ERCC8: variants seen among roughly 807,000 people sequenced by gnomAD.
The protein encoded by ERCC8 is ERCC excision repair 8, CSA ubiquitin ligase complex subunit.
A neutral mutation model predicts 54.9 loss-of-function variants in ERCC8; 52 were observed. The ratio of observed to expected loss-of-function variants is 0.95; its 90% CI spans 0.76 to 1.19. ERCC8 has a LOEUF of 1.19. Among genes scored for constraint, ERCC8 ranks in the 50% most tolerant of loss-of-function variants. The pLI is 0.00. For synonymous variants in ERCC8, 146 were observed against 157.2 expected, an observed-to-expected ratio of 0.93 and a Z score of 0.53; for missense variants, 514 against 466.1, an observed-to-expected ratio of 1.10 and a Z score of -0.95.
At chr5:60,878,737 C>T (rs577355657) in intron 11 of ERCC8, among the ~76,000 whole-genome samples, 6 of 151,626 alleles carry the variant, frequency 4.0e-5, no homozygotes, top group East Asian at 1.9e-4. Flanking sequence ...ATTTTTTTTG[C>T]GTCTATTTGA....
intron 3 of ERCC8, among the ~76,000 whole-genome samples, chr5:60,921,569 T>C (rs1014100520): frequency 6.6e-6 from 1 of 151,898 alleles, no homozygotes; most frequent in African/African-American, 2.4e-5. Flanking sequence ...TTTGAGTAAG[T>C]AGAGAGACAA....
At chr5:60,915,024 A>G (rs973243038) in intron 4 of ERCC8, among the ~76,000 whole-genome samples, 11 of 151,980 alleles carry the variant, frequency 7.2e-5, no homozygotes, top group Admixed American at 6.6e-4. Flanking sequence ...TATATTTGTA[A>G]GAGACACTGG....
At chr5:60,921,558 CT>C (rs1288898296) in intron 3 of ERCC8, among the ~76,000 whole-genome samples, 9 of 151,788 alleles carry the variant, frequency 5.9e-5, no homozygotes, top group African/African-American at 2.2e-4. Context: ...AGTTAGACAT[CT>C]TTGAGTAAGT....
At position 60,887,420 on chromosome 5, in the gene ERCC8, T is replaced by TTTA; in HGVS notation, c.1122+19_1122+20insTAA. On this transcript the variant is annotated intron_variant, in intron 11 of 11. Transcript: ENST00000676185. Reference sequence around the variant, plus strand: ...TTAAGCTTTAGAAGTCACTGTACCATTTGTGAAAATAATATTTACCTCATC... The same window carrying TTTA: ...TTAAGCTTTAGAAGTCACTGTACCATTTATTGTGAAAATAATATTTACCTCATC... The TTTA allele has an allele frequency of 6.4e-7, 1 of 1,556,436 alleles. No individual in the cohort carries two copies. The highest frequency in any genetic ancestry group is 8.9e-7 in the Non-Finnish European group (1 of 1,127,698).
Position 60,867,565 on chromosome 5 carries a change from C to A in ERCC8, c.*7050G>T, listed in dbSNP as rs1372994288. Among the ~76,000 whole-genome samples, 6 of 152,150 alleles carry A rather than the reference C, an allele frequency of 3.9e-5. No individual in the cohort carries two copies. The highest frequency in any genetic ancestry group is 7.2e-5 in the African/African-American group (3 of 41,442). Reference sequence around the variant, plus strand: ...TATGTAAGAAACCATTAGAATATTACAATAAAAGTTAATAACTCAGTTCTC... The same window carrying A: ...TATGTAAGAAACCATTAGAATATTAAAATAAAAGTTAATAACTCAGTTCTC... On this transcript the variant is annotated 3_prime_UTR_variant, in exon 12 of 12. Transcript: ENST00000676185.
At chr5:60,891,384 C>T (rs964956647) in intron 9 of ERCC8, among the ~76,000 whole-genome samples, 8 of 151,940 alleles carry the variant, frequency 5.3e-5, no homozygotes, top group East Asian at 1.9e-4. Context: ...ATTAAAAAAA[C>T]GTAAGACATT....
At position 60,869,016 on chromosome 5, in the gene ERCC8, G is replaced by A. The variant is rs955478397; in HGVS notation, c.*5599C>T. On this transcript the variant is annotated 3_prime_UTR_variant, in exon 12 of 12. Transcript: ENST00000676185. Reference sequence around the variant, plus strand: ...TCTGGCATAGTTAGAGTGATTTTAAGTTTACTGCTTTAGTGATAAGTTTTT... The same window carrying A: ...TCTGGCATAGTTAGAGTGATTTTAAATTTACTGCTTTAGTGATAAGTTTTT... Among the ~76,000 whole-genome samples, 4 of 152,108 alleles carry A rather than the reference G, an allele frequency of 2.6e-5. No homozygotes were observed. The highest frequency in any genetic ancestry group is 1.3e-4 in the Admixed American group (2 of 15,266).
intron 1 of ERCC8, among the ~76,000 whole-genome samples, chr5:60,935,227 T>G: frequency 6.6e-6 from 1 of 152,200 alleles, no homozygotes; most frequent in East Asian, 1.9e-4. Flanking sequence ...AGCAGTGTTT[T>G]GTCTTGTAGA....
chr5:60,891,676 C>G (rs1476811957), intron 9 of ERCC8, among the ~76,000 whole-genome samples: 1 of 145,648 alleles, frequency 6.9e-6, no homozygotes, highest in Admixed American at 6.9e-5. Flanking sequence ...TTTTTTTTTC[C>G]TGCTGATACT....
chr5:60,905,615 C>A (rs548763707), intron 4 of ERCC8, among the ~76,000 whole-genome samples: 1 of 152,294 alleles, frequency 6.6e-6, no homozygotes, highest in South Asian at 2.1e-4. Flanking sequence ...GCTTTCAGGA[C>A]CAACTACTCA....
At chr5:60,917,222 C>T (rs1275187634) in intron 4 of ERCC8, among the ~76,000 whole-genome samples, 1 of 151,816 alleles carries the variant, frequency 6.6e-6, no homozygotes, top group African/African-American at 2.4e-5. Flanking sequence ...ACAGTCTTGG[C>T]TCAATGTAAT....
intron 9 of ERCC8, among the ~76,000 whole-genome samples, chr5:60,895,063 C>G (rs1748684711): frequency 6.7e-6 from 1 of 150,308 alleles, no homozygotes; most frequent in African/African-American, 2.5e-5. Flanking sequence ...CCCAGCTACT[C>G]AGGAGGCTGA....
At position 60,934,103 on chromosome 5, in the gene ERCC8, G is replaced by C. The variant is rs1440906818; in HGVS notation, c.78-5144C>G. ...TCTCTTCTACTAGGTGGATACCCGG[G>C]AGTGGGAATGCTGGATCAAATGGTA... On this transcript the variant is annotated intron_variant, in intron 1 of 11. Transcript: ENST00000676185. Among the ~76,000 whole-genome samples, 5 of 152,138 alleles carry C rather than the reference G, an allele frequency of 3.3e-5. No homozygotes were observed. In the East Asian group the frequency reaches 9.6e-4, roughly 29 times the overall value.
intron 4 of ERCC8, among the ~76,000 whole-genome samples, chr5:60,911,100 T>A (rs1749245321): frequency 6.6e-6 from 1 of 152,196 alleles, no homozygotes; most frequent in African/African-American, 2.4e-5. Context: ...CTAGGGTACA[T>A]GTGACAACGT....
intron 11 of ERCC8, among the ~76,000 whole-genome samples, chr5:60,883,410 TCTC>T (rs775251931): frequency 6.6e-6 from 1 of 152,164 alleles, no homozygotes; most frequent in Non-Finnish European, 1.5e-5. Context: ...CTCTGCAACA[TCTC>T]CTCCTAGTGG....
intron 1 of ERCC8, among the ~76,000 whole-genome samples, chr5:60,931,570 A>T (rs10064292): frequency 0.063 from 9,651 of 152,162 alleles, 1,011 homozygotes; most frequent in African/African-American, 0.22. Flanking sequence ...TCACCTCCCA[A>T]AGTACTGGGA....
intron 3 of ERCC8, among the ~76,000 whole-genome samples, chr5:60,921,352 C>A (rs1162078364): frequency 6.6e-6 from 1 of 151,800 alleles, no homozygotes; most frequent in Non-Finnish European, 1.5e-5. Context: ...TTTCTCAGTG[C>A]CCATTCTCCC....
At chr5:60,899,555 T>G in intron 8 of ERCC8, 72 bp downstream of exon 8, 1 of 1,100,460 alleles carries the variant, frequency 9.1e-7, no homozygotes, top group East Asian at 2.4e-5. Context: ...GTTTATTATG[T>G]GGCTTCAATT....
At chr5:60,902,306 T>G (rs930180817) in intron 7 of ERCC8, 136 bp downstream of exon 7, 23 of 681,128 alleles carry the variant, frequency 3.4e-5, no homozygotes, top group Non-Finnish European at 4.5e-5. Flanking sequence ...GAATTAAAAT[T>G]TCTAAGTCAA....
Sources: allele counts gnomAD v4.1 joint callset (sites outside exome capture counted in the v4.1 genomes callset), GRCh38; gene constraint gnomAD v4.1.1; transcripts MANE v1.5; gene names NCBI Gene and HGNC (gene_info 2026-07-23, HGNC 2026-07-21).